The following NPHP3 variants were observed in gnomAD, a reference collection of about 807,000 sequenced individuals.
The protein encoded by NPHP3 is nephrocystin 3.
A neutral mutation model predicts 171.9 loss-of-function variants in NPHP3; 123 were observed. The observed-to-expected ratio is 0.72, with a 90% CI of 0.62 to 0.83. The LOEUF is 0.83. NPHP3 is among the 40% of genes least tolerant of loss of function. The pLI is 0.00. For missense variants in NPHP3, 1,506 were observed against 1,591.9 expected (o/e 0.95, Z 0.92); for synonymous variants, 558 against 579.2 (o/e 0.96, Z 0.52).
intron 7 of NPHP3, among the ~76,000 whole-genome samples, chr3:132,707,503 C>G (rs998897675): frequency 2.6e-5 from 4 of 152,108 alleles, no homozygotes; most frequent in African/African-American, 4.8e-5. Context: ...GACACTAATC[C>G]TTGGTCAGTA....
intron 13 of NPHP3, 35 bp downstream of exon 13, chr3:132,699,318 C>T (rs1939542122): frequency 1.4e-6 from 2 of 1,395,754 alleles, no homozygotes; most frequent in Non-Finnish European, 2.0e-6. Context: ...TAAAACATTT[C>T]ATGTACTCTG....
Position 132,716,855 on chromosome 3 carries a change from G to T in NPHP3, c.725C>A (p.Ser242Tyr), listed in dbSNP as rs201613128. ...CTGAAGCTGGATCATGCTTCCTATG[G>T]AAGGTTCACTTCCCAAGGCTCCGCC... ...WTGGALGSEP[S>Y]IGSMIQLQQS... Residue 242 changes from serine (S) to tyrosine (Y), a missense_variant, in exon 4 of 27, where the codon TCC (serine) becomes TAC (tyrosine). Physicochemically the swap from Ser to Tyr is moderately radical, Grantham distance 144. This residue lies in a region of NPHP3 where 930 missense variants were observed against 924.9 expected (regional missense o/e 1.01). Coordinates refer to ENST00000337331, the MANE Select transcript of NPHP3 (RefSeq NM_153240.5). 4 of 1,614,192 alleles carry T rather than the reference G, an allele frequency of 2.5e-6. No homozygotes were observed. The East Asian group carries it at 6.7e-5, about 27-fold the overall frequency.
chr3:132,707,112 T>G (rs1939775139), intron 7 of NPHP3, among the ~76,000 whole-genome samples: 1 of 152,220 alleles, frequency 6.6e-6, no homozygotes, highest in Non-Finnish European at 1.5e-5. Flanking sequence ...TTTACCAAGT[T>G]GCCTCCGTGT....
chr3:132,696,457 G>A (rs971818713), intron 15 of NPHP3, among the ~76,000 whole-genome samples: 1 of 152,140 alleles, frequency 6.6e-6, no homozygotes, highest in Non-Finnish European at 1.5e-5. Context: ...AAAGCTAGGG[G>A]CCACAAATGA....
At chr3:132,704,414 A>G in intron 8 of NPHP3, 43 bp from the exon 9 acceptor site, 1 of 1,612,774 alleles carries the variant, frequency 6.2e-7, no homozygotes, top group Non-Finnish European at 8.5e-7. Flanking sequence ...TGAAGAAAAT[A>G]AAGATCTTAC....
chr3:132,685,828 G>A (rs1307429263), intron 23 of NPHP3: 2 of 181,244 alleles, frequency 1.1e-5, no homozygotes, highest in Non-Finnish European at 2.4e-5. Flanking sequence ...AAGGCGGGCA[G>A]ATCACGAGGT....
intron 4 of NPHP3, 144 bp downstream of exon 4, chr3:132,716,613 C>T (rs1940058758): frequency 2.3e-6 from 2 of 880,148 alleles, no homozygotes; most frequent in Non-Finnish European, 3.7e-6. Context: ...AGTTACAGCC[C>T]CACTGTATGA....
chr3:132,696,171 C>A (rs1297336122), intron 15 of NPHP3, among the ~76,000 whole-genome samples: 2 of 150,326 alleles, frequency 1.3e-5, no homozygotes, highest in Admixed American at 6.6e-5. Flanking sequence ...TGATGCTATA[C>A]TGAAGAAGAA....
chr3:132,700,110 G>A (rs1939566832), intron 11 of NPHP3, 49 bp from the exon 12 acceptor site: 9 of 1,598,804 alleles, frequency 5.6e-6, no homozygotes, highest in Non-Finnish European at 7.7e-6. Flanking sequence ...CGTAGTTACT[G>A]AAGTAGTTAC....
In NPHP3 at chr3:132,704,311, T is replaced by C. The variant is rs200659972; in HGVS notation, c.1411A>G (p.Ile471Val). The C allele has an allele frequency of 3.7e-6, 6 of 1,614,208 alleles. No individual in the cohort carries two copies. Among genetic ancestry groups the C allele is most frequent in the Admixed American group, 1.7e-5 (1 of 60,028 alleles). ...TCACCAAAATCATCTTCTTCTGGAA[T>C]GGAATCCTCACTGCCCAAATCCTTA... ...ETKDLGSEDS[I>V]PEEDDFGDVL... Residue 471 changes from isoleucine to valine, a missense_variant, in exon 9 of 27, where the codon ATT becomes GTT. Physicochemically the swap from Ile to Val is conservative, Grantham distance 29. Around this residue, in one of 3 missense-constraint regions of NPHP3, gnomAD observed 930 missense variants for 924.9 expected, o/e 1.01. Transcript: ENST00000337331.
chr3:132,705,959 G>A, intron 7 of NPHP3, 145 bp from the exon 8 acceptor site: 1 of 559,468 alleles, frequency 1.8e-6, no homozygotes, highest in South Asian at 2.2e-5. Flanking sequence ...ACAACCTTAG[G>A]AGGGAGATAC....
intron 13 of NPHP3, among the ~76,000 whole-genome samples, chr3:132,698,275 A>G (rs917501671): frequency 1.1e-4 from 17 of 151,020 alleles, no homozygotes; most frequent in African/African-American, 4.1e-4. Context: ...CACTGCGCCC[A>G]GCCATTTGTT....
chr3:132,700,417 T>A lies in NPHP3; in HGVS notation c.1660A>T (p.Thr554Ser). 6.2e-7 allele frequency: 1 copy of A among 1,611,844 alleles called. No individual in the cohort carries two copies. The highest frequency in any genetic ancestry group is 8.5e-7 in the Non-Finnish European group (1 of 1,178,838). The change falls in exon 11 of 27, where the codon ACA becomes TCA. Residue 554 changes from threonine to serine, a missense_variant. Around this residue, in one of 3 missense-constraint regions of NPHP3, gnomAD observed 930 missense variants for 924.9 expected, o/e 1.01. Transcript: ENST00000337331. ...IQLQQKNSPN[T>S]LILSHFVGRP... ...CCCACAAAATGGGAAAGAATCAGTG[T>A]GTTGGGGGAATTCTTCTGTTGTAAT...
At chr3:132,702,847 C>A (rs992229040) in intron 9 of NPHP3, among the ~76,000 whole-genome samples, 48 of 152,136 alleles carry the variant, frequency 3.2e-4, no homozygotes, top group African/African-American at 1.1e-3. Flanking sequence ...TAAGTCCTAA[C>A]AACTTAGTTC....
Position 132,715,240 on chromosome 3 carries a change from T to C in NPHP3, c.824-22A>G, listed in dbSNP as rs571304192. 6 of 1,608,362 alleles carry C rather than the reference T, an allele frequency of 3.7e-6. No homozygotes were observed. The East Asian group carries it at 1.3e-4, about 36-fold the overall frequency. ...TCATCTGAAAATAAAATTTCTCAAGTTCATGAAAAAATTACCAGAACACAT... is the reference window on the plus strand; with the variant it reads ...TCATCTGAAAATAAAATTTCTCAAGCTCATGAAAAAATTACCAGAACACAT... On this transcript the variant is annotated intron_variant, in intron 4 of 26. Transcript: ENST00000337331.
At chr3:132,701,961 G>A (rs538957301) in intron 9 of NPHP3, among the ~76,000 whole-genome samples, 2 of 152,322 alleles carry the variant, frequency 1.3e-5, no homozygotes, top group East Asian at 3.9e-4. Context: ...GGGAGGTGGA[G>A]CTTGCAGTGA....
chr3:132,713,351 C>A, intron 5 of NPHP3, 65 bp from the exon 6 acceptor site: 1 of 1,118,270 alleles, frequency 8.9e-7, no homozygotes, highest in South Asian at 1.5e-5. Context: ...GAGATTCATA[C>A]TACTTAAAAT....
At chr3:132,720,079 T>A (rs1268749180) in intron 1 of NPHP3, among the ~76,000 whole-genome samples, 2 of 152,216 alleles carry the variant, frequency 1.3e-5, no homozygotes, top group Non-Finnish European at 2.9e-5. Context: ...ATTAACTTTT[T>A]TTGAAACACT....
chr3:132,686,389 T>G lies in NPHP3; in HGVS notation c.3202-2A>C. The G allele has an allele frequency of 1.9e-6, 3 of 1,614,054 alleles. No homozygotes were observed. The highest frequency in any genetic ancestry group is 2.5e-6 in the Non-Finnish European group (3 of 1,179,950). ...TCTACGTAAAAGGGCAAATCCGTACTGCAGCAAACATGAAAAATGAAAAGC... is the reference window on the plus strand; with the variant it reads ...TCTACGTAAAAGGGCAAATCCGTACGGCAGCAAACATGAAAAATGAAAAGC... On this transcript the variant is annotated splice_acceptor_variant, in intron 22 of 26. Coordinates refer to ENST00000337331, the MANE Select transcript of NPHP3 (RefSeq NM_153240.5). LOFTEE classifies it high-confidence loss of function.
Sources: gnomAD v4.1 joint callset for allele counts (sites outside exome capture counted in the v4.1 genomes callset) on GRCh38, gnomAD v4.1.1 for gene constraint, gnomAD v4.1.1 regional missense constraint, MANE v1.5 for transcripts, NCBI Gene and HGNC (gene_info 2026-07-23, HGNC 2026-07-21) for gene names.